N4BP2: variants seen among roughly 807,000 people sequenced by gnomAD.
The protein encoded by N4BP2 is NEDD4-binding protein 2.
A neutral mutation model predicts 152.8 loss-of-function variants in N4BP2; 91 were observed. The observed-to-expected ratio is 0.60, with a 90% CI of 0.50 to 0.71. The LOEUF is 0.71. Ranked by LOEUF, N4BP2 falls within the 30% of genes least tolerant of loss-of-function variation. N4BP2 has a pLI of 0.00. For missense variants in N4BP2, 1,923 were observed against 2,059.1 expected, an observed-to-expected ratio of 0.93 and a Z score of 1.28; for synonymous variants, 646 against 705.3, an observed-to-expected ratio of 0.92 and a Z score of 1.33.
Position 40,136,992 on chromosome 4 carries a change from G to C in N4BP2, c.4695G>C (p.Gly1565=). 1 of 1,613,434 alleles carries C rather than the reference G, an allele frequency of 6.2e-7. No homozygotes were observed. The highest frequency in any genetic ancestry group is 2.2e-5 in the East Asian group (1 of 44,824). The part of the protein sequence containing the change: ...TVQFLNCVLE[G]DPVKTVVAQE... ...AATTTCTTAACTGTGTTCTTGAAGG[G>C]GACCCTGTAAAAACAGTTGTAGCCC... is the stretch of plus-strand genomic sequence containing the variant. Residue 1565 remains glycine (G), a synonymous_variant, in exon 14 of 18, where the codon GGG becomes GGC. Coordinates refer to ENST00000261435, the MANE Select transcript of N4BP2 (RefSeq NM_018177.6).
rs926195286 is a variant in N4BP2 at position 40,156,906 on chromosome 4, T to C, written c.*2669T>C. 6.6e-6 allele frequency: 1 copy of C among 152,176 alleles called. No individual in the cohort carries two copies. The highest frequency in any genetic ancestry group is 1.5e-5 in the Non-Finnish European group (1 of 68,006). 9.4% of individuals were successfully genotyped at this position (152,176 alleles called of 1,614,324 possible). On this transcript the variant is annotated 3_prime_UTR_variant, in exon 18 of 18. Coordinates refer to ENST00000261435, the MANE Select transcript of N4BP2 (RefSeq NM_018177.6). ...CCAAACCCCAGCAATCCAAAACACT[T>C]CTGGTCCTAAGCATTTTGAGTAGGG... is the stretch of plus-strand genomic sequence containing the variant.
chr4:40,163,992 A>G, the N4BP2 span, among the ~76,000 whole-genome samples: 125 of 152,332 alleles, frequency 8.2e-4, 6 homozygotes, highest in East Asian at 0.017. Flanking sequence ...TTTCTCCAGC[A>G]ATTCTCAGGA....
At chr4:40,152,704 A>C in intron 16 of N4BP2, 76 bp from the exon 17 acceptor site, 1 of 1,514,758 alleles carries the variant, frequency 6.6e-7, no homozygotes, top group South Asian at 1.2e-5. Flanking sequence ...CATGTGCTTG[A>C]GTAGCTAAGG....
At chr4:40,152,688 C>A in intron 16 of N4BP2, 92 bp from the exon 17 acceptor site, 1 of 1,427,692 alleles carries the variant, frequency 7.0e-7, no homozygotes, top group South Asian at 1.3e-5. Context: ...CTCATGAAAA[C>A]AATTTCATGT....
chr4:40,138,029 G>T (rs1260142375), intron 14 of N4BP2, among the ~76,000 whole-genome samples: 1 of 152,192 alleles, frequency 6.6e-6, no homozygotes, highest in Non-Finnish European at 1.5e-5. Context: ...ACCTGAGGGG[G>T]TTGTGAGAAT....
chr4:40,171,728 A>T, the N4BP2 span, among the ~76,000 whole-genome samples: 346 of 152,324 alleles, frequency 2.3e-3, 5 homozygotes, highest in African/African-American at 8.1e-3. Context: ...GGCCATCTGC[A>T]GGCTGAGGAA....
chr4:40,171,720 C>T, the N4BP2 span, among the ~76,000 whole-genome samples: 1 of 152,130 alleles, frequency 6.6e-6, no homozygotes, highest in South Asian at 2.1e-4. Flanking sequence ...CCACAGTAGG[C>T]CATCTGCAGG....
chr4:40,072,507 G>A (rs1018669966), intron 1 of N4BP2, among the ~76,000 whole-genome samples: 10 of 151,618 alleles, frequency 6.6e-5, no homozygotes, highest in Middle Eastern at 6.8e-3. Context: ...GCCTCCCAAC[G>A]TGCTGGGATT....
chr4:40,059,045 C>T (rs1027281728), intron 1 of N4BP2, among the ~76,000 whole-genome samples: 39 of 151,918 alleles, frequency 2.6e-4, no homozygotes, highest in African/African-American at 9.2e-4. Context: ...GGTCTCAAAC[C>T]CCTGAGCTCA....
chr4:40,126,221 C>G lies in N4BP2; in HGVS notation c.4418C>G (p.Thr1473Arg), dbSNP rs1466000252. The part of the protein sequence containing the change: ...RTGKKLLKTL[T>R]ASEMLPLLDH... ...GGCAAAAAATTACTGAAGACTTTAA[C>G]AGCATCTGAAATGCTACCTTTATTG... The change falls in exon 12 of 18, where the codon ACA becomes AGA. Residue 1473 changes from threonine (T) to arginine (R), a missense_variant. Physicochemically the swap from Thr to Arg is moderately conservative, Grantham distance 71. Coordinates refer to ENST00000261435, the MANE Select transcript of N4BP2 (RefSeq NM_018177.6). 1 of 1,608,808 alleles carries G rather than the reference C, an allele frequency of 6.2e-7. No homozygotes were observed. Among genetic ancestry groups the G allele is most frequent in the Non-Finnish European group, 8.5e-7 (1 of 1,177,256 alleles).
the N4BP2 span, among the ~76,000 whole-genome samples, chr4:40,178,433 A>G: frequency 9.8e-5 from 15 of 152,328 alleles, no homozygotes; most frequent in East Asian, 5.8e-4. Flanking sequence ...AAACAAAAAA[A>G]AAAAGAAAAG....
chr4:40,136,853 C>T, intron 13 of N4BP2, 91 bp from the exon 14 acceptor site: 1 of 931,030 alleles, frequency 1.1e-6, no homozygotes, highest in South Asian at 2.3e-5. Context: ...TTTTCATATT[C>T]TTGTAAGATG....
chr4:40,082,794 G>C (rs1013421810), intron 2 of N4BP2, among the ~76,000 whole-genome samples: 1 of 151,672 alleles, frequency 6.6e-6, no homozygotes, highest in African/African-American at 2.4e-5. Flanking sequence ...TCTGCCGCCC[G>C]GGTTCACGCC....
chr4:40,153,103 T>C (rs921200828), intron 17 of N4BP2, among the ~76,000 whole-genome samples, 200 bp downstream of exon 17: 1 of 152,268 alleles, frequency 6.6e-6, no homozygotes, highest in Admixed American at 6.5e-5. Flanking sequence ...CACAGATTCA[T>C]GCTTAAATTA....
intron 7 of N4BP2, 62 bp from the exon 8 acceptor site, chr4:40,117,805 TTC>T: frequency 3.6e-6 from 5 of 1,399,938 alleles, no homozygotes; most frequent in Non-Finnish European, 4.9e-6. Flanking sequence ...TAGACATATG[TTC>T]TGATTTTTAA....
chr4:40,063,827 T>A (rs1237406001), intron 1 of N4BP2, among the ~76,000 whole-genome samples: 1 of 151,982 alleles, frequency 6.6e-6, no homozygotes, highest in Non-Finnish European at 1.5e-5. Flanking sequence ...GTCTTTTTAG[T>A]AGAGACAGGG....
chr4:40,109,040 C>A (rs1716606816), intron 5 of N4BP2, among the ~76,000 whole-genome samples: 4 of 152,056 alleles, frequency 2.6e-5, no homozygotes, highest in Admixed American at 1.3e-4. Context: ...TGGTCTCGAT[C>A]TCTTAACTTT....
chr4:40,189,148 C>CACAAA, the N4BP2 span, among the ~76,000 whole-genome samples: 8,137 of 149,176 alleles, frequency 0.055, 241 homozygotes, highest in East Asian at 0.099. This position sits in a 1 kb window ranked among gnomAD's most constrained non-coding sequence, Gnocchi z 4.3. Context: ...CTGTCTCAAA[C>CACAAA]ACAAAACAAA....
chr4:40,075,094 C>T (rs1035003080), intron 2 of N4BP2, among the ~76,000 whole-genome samples: 3 of 151,938 alleles, frequency 2.0e-5, no homozygotes, highest in Non-Finnish European at 4.4e-5. Flanking sequence ...AATATTTGTG[C>T]ACCTGTTTTA....
Sources: allele counts gnomAD v4.1 joint callset (sites outside exome capture counted in the v4.1 genomes callset), GRCh38; gene constraint gnomAD v4.1.1; non-coding constraint Gnocchi (gnomAD v3.1); transcripts MANE v1.5; gene names NCBI Gene and HGNC (gene_info 2026-07-23, HGNC 2026-07-21).